LHFPL3: variants seen among roughly 807,000 people sequenced by gnomAD.
The protein encoded by LHFPL3 is LHFPL tetraspan subfamily member 3 protein.
In LHFPL3, 5 loss-of-function variants were observed where a neutral mutation model predicts 19.3. The ratio of observed to expected loss-of-function variants is 0.26; its 90% confidence interval spans 0.14 to 0.54. The LOEUF (loss-of-function observed/expected upper bound fraction) is 0.54. Ranked by LOEUF, LHFPL3 falls within the 20% of genes least tolerant of loss-of-function variation. The pLI is 0.94. For missense variants in LHFPL3, 249 were observed against 307.4 expected (o/e 0.81, Z 1.42); for synonymous variants, 133 against 126.2 (o/e 1.05, Z -0.36).
intron 1 of LHFPL3, among the ~76,000 whole-genome samples, chr7:104,386,232 A>G (rs1038559825): frequency 2.6e-5 from 4 of 152,186 alleles, no homozygotes; most frequent in African/African-American, 7.2e-5. Flanking sequence ...TTCCCAGGGC[A>G]TTGTCATTAT....
chr7:104,462,390 A>G (rs1792684542), intron 1 of LHFPL3, among the ~76,000 whole-genome samples: 1 of 152,076 alleles, frequency 6.6e-6, no homozygotes, highest in African/African-American at 2.4e-5. Flanking sequence ...TATTATTTTG[A>G]GGTATGTTCC....
chr7:104,503,151 A>T (rs148271246), intron 1 of LHFPL3, among the ~76,000 whole-genome samples: 1 of 152,208 alleles, frequency 6.6e-6, no homozygotes, highest in African/African-American at 2.4e-5. Flanking sequence ...CTAATAGGGC[A>T]TTGGTTAAAT....
intron 2 of LHFPL3, among the ~76,000 whole-genome samples, chr7:104,769,847 C>A (rs1794522387): frequency 1.3e-5 from 1 of 74,114 alleles, no homozygotes; most frequent in South Asian, 5.7e-4. Flanking sequence ...GAATACTATG[C>A]AGCCATAAAA....
chr7:104,518,857 A>T (rs1351245824), intron 1 of LHFPL3, among the ~76,000 whole-genome samples: 1 of 151,002 alleles, frequency 6.6e-6, no homozygotes, highest in African/African-American at 2.4e-5. Flanking sequence ...AATAAATAAA[A>T]AAACTGTGAT....
At chr7:104,567,344 A>C (rs1790142592) in intron 1 of LHFPL3, among the ~76,000 whole-genome samples, 1 of 152,214 alleles carries the variant, frequency 6.6e-6, no homozygotes, top group East Asian at 1.9e-4. Flanking sequence ...AGGAGATGCT[A>C]CTGGCTTGAC....
intron 2 of LHFPL3, 91 bp downstream of exon 2, chr7:104,737,002 C>A: frequency 1.9e-6 from 2 of 1,031,138 alleles, no homozygotes; most frequent in Non-Finnish European, 2.9e-6. Context: ...TAGTGCTTCC[C>A]CTGAGGTTCT....
At chr7:104,428,695 A>C (rs1052305136) in intron 1 of LHFPL3, among the ~76,000 whole-genome samples, 3 of 152,192 alleles carry the variant, frequency 2.0e-5, no homozygotes, top group Non-Finnish European at 4.4e-5. Flanking sequence ...AATAACTTGA[A>C]AACTCTAGAA....
rs1366961666 is a variant in LHFPL3 at position 104,364,621 on chromosome 7, A to G, written c.445+35397A>G. Among the ~76,000 whole-genome samples, 3 of 152,312 alleles carry G rather than the reference A, an allele frequency of 2.0e-5. No individual in the cohort carries two copies. The East Asian group carries it at 5.8e-4, about 29-fold the overall frequency. ...CTAGATTTAGGTGTTGGGAGAAAGG[A>G]TAGGGTGTTAGGAGAAAGGGAATCA... On this transcript the variant is annotated intron_variant, in intron 1 of 2. Transcript: ENST00000424859.
intron 1 of LHFPL3, among the ~76,000 whole-genome samples, chr7:104,666,320 C>G (rs939812951): frequency 6.6e-6 from 1 of 151,898 alleles, no homozygotes; most frequent in Non-Finnish European, 1.5e-5. Flanking sequence ...ATCCCTCCCT[C>G]CGCCCTCACA....
At chr7:104,597,135 C>T (rs73179992) in intron 1 of LHFPL3, among the ~76,000 whole-genome samples, 6,659 of 152,212 alleles carry the variant, frequency 0.044, 166 homozygotes, top group African/African-American at 0.064. Flanking sequence ...AATGATGTAA[C>T]AACAATAATA....
chr7:104,733,992 G>T (rs1181026239), intron 1 of LHFPL3, among the ~76,000 whole-genome samples: 1 of 152,094 alleles, frequency 6.6e-6, no homozygotes, highest in African/African-American at 2.4e-5. Context: ...GCTTAGTTTG[G>T]CTGGATATGA....
At chr7:104,668,590 A>T (rs1792406996) in intron 1 of LHFPL3, 1 of 1,612,808 alleles carries the variant, frequency 6.2e-7, no homozygotes. Flanking sequence ...GGCAGTGGGT[A>T]TCGCAGGGAT....
At chr7:104,795,143 T>C (rs1790096506) in intron 2 of LHFPL3, among the ~76,000 whole-genome samples, 3 of 152,194 alleles carry the variant, frequency 2.0e-5, no homozygotes, top group South Asian at 2.1e-4. Flanking sequence ...GGGCCAGACA[T>C]GCTCTCTGAT....
intron 2 of LHFPL3, among the ~76,000 whole-genome samples, chr7:104,830,286 A>G (rs998006147): frequency 1.4e-4 from 21 of 151,834 alleles, no homozygotes; most frequent in African/African-American, 2.7e-4. Context: ...TAGGTTGCCT[A>G]TTCACTCTGA....
chr7:104,428,380 A>G (rs1432333222), intron 1 of LHFPL3, among the ~76,000 whole-genome samples: 1 of 152,156 alleles, frequency 6.6e-6, no homozygotes, highest in Non-Finnish European at 1.5e-5. Context: ...TCCTTTTTTC[A>G]GAGATGACAA....
chr7:104,806,974 C>G (rs1017156638), intron 2 of LHFPL3, among the ~76,000 whole-genome samples: 3 of 149,782 alleles, frequency 2.0e-5, no homozygotes, highest in African/African-American at 7.4e-5. Context: ...TTCCTATGAC[C>G]CTGTTGGGGG....
chr7:104,780,284 C>T (rs1794697530), intron 2 of LHFPL3, among the ~76,000 whole-genome samples: 1 of 152,200 alleles, frequency 6.6e-6, no homozygotes, highest in Admixed American at 6.5e-5. Flanking sequence ...GACAGGATTC[C>T]CACTCCCGCT....
chr7:104,823,919 G>A (rs1046076394), intron 2 of LHFPL3, among the ~76,000 whole-genome samples: 8 of 151,568 alleles, frequency 5.3e-5, no homozygotes, highest in East Asian at 2.0e-4. Context: ...GCCAAAACGG[G>A]TGGATCACTT....
At chr7:104,371,375 C>T (rs899696287) in intron 1 of LHFPL3, among the ~76,000 whole-genome samples, 1 of 152,160 alleles carries the variant, frequency 6.6e-6, no homozygotes, top group Non-Finnish European at 1.5e-5. Context: ...TTATGTTTCT[C>T]CTCTAGTTGG....
Sources: allele counts gnomAD v4.1 joint callset (sites outside exome capture counted in the v4.1 genomes callset), GRCh38; gene constraint gnomAD v4.1.1; transcripts MANE v1.5; gene names NCBI Gene and HGNC (gene_info 2026-07-23, HGNC 2026-07-21).